The following RUVBL1 variants were observed in gnomAD, a reference collection of about 807,000 sequenced individuals.
RUVBL1 encodes RuvB like AAA ATPase 1, also known as ruvB-like 1.
RUVBL1 carries 4 observed loss-of-function variants against 52.4 expected under a neutral mutation model. That is an observed-to-expected ratio of 0.08 (90% CI 0.04 to 0.17). The LOEUF is 0.17. Ranked by LOEUF, RUVBL1 falls within the 10% of genes least tolerant of loss-of-function variation. The probability of loss-of-function intolerance (pLI) is 1.00; values close to 1 mark genes in which losing one functional copy is unlikely to be tolerated. For synonymous variants in RUVBL1, 217 were observed against 214.4 expected (o/e 1.01, Z -0.10); for missense variants, 298 against 572.8 (o/e 0.52, Z 4.90).
At chr3:128,132,485 T>A (rs771169896) in intron 1 of RUVBL1, among the ~76,000 whole-genome samples, 12 of 152,138 alleles carry the variant, frequency 7.9e-5, no homozygotes, top group Non-Finnish European at 1.8e-4. Flanking sequence ...AGAGACTCCT[T>A]CCTTCTGCTT....
intron 8 of RUVBL1, among the ~76,000 whole-genome samples, chr3:128,092,348 A>T (rs1942861163): frequency 6.6e-6 from 1 of 152,206 alleles, no homozygotes; most frequent in Admixed American, 6.5e-5. Context: ...AAGAAAAAAC[A>T]TAAATTGGAC....
At chr3:128,128,097 A>G (rs1348036826), upstream of RUVBL1, among the ~76,000 whole-genome samples, 1 of 151,970 alleles carries the variant, frequency 6.6e-6, no homozygotes, top group East Asian at 1.9e-4. Flanking sequence ...GCTTCAAGTG[A>G]TCCTCCCATC....
intron 8 of RUVBL1, among the ~76,000 whole-genome samples, chr3:128,096,003 G>A (rs1559813774): frequency 6.6e-6 from 1 of 152,156 alleles, no homozygotes; most frequent in Non-Finnish European, 1.5e-5. Flanking sequence ...AGCTGAGTTA[G>A]GCAAATCAGC....
intron 3 of RUVBL1, among the ~76,000 whole-genome samples, chr3:128,105,587 T>A (rs1943212805): frequency 6.6e-6 from 1 of 152,218 alleles, no homozygotes; most frequent in South Asian, 2.1e-4. Flanking sequence ...ACAGTGGCTA[T>A]CAAAACTCCT....
chr3:128,150,614 A>AAT (rs200745338), intron 1 of RUVBL1, among the ~76,000 whole-genome samples: 34,232 of 130,806 alleles, frequency 0.26, 4,864 homozygotes, highest in South Asian at 0.35. Context: ...GAACTAATAG[A>AAT]ATATATATTC....
intron 1 of RUVBL1, among the ~76,000 whole-genome samples, chr3:128,142,867 G>T (rs1160870432): frequency 6.6e-6 from 1 of 152,054 alleles, no homozygotes; most frequent in East Asian, 1.9e-4. Flanking sequence ...TGCAACTTCT[G>T]CCTGCCAGGT....
At chr3:128,130,813 G>A (rs929595820) in intron 1 of RUVBL1, among the ~76,000 whole-genome samples, 2 of 151,698 alleles carry the variant, frequency 1.3e-5, no homozygotes, top group Non-Finnish European at 2.9e-5. Flanking sequence ...ACCACGCCTG[G>A]CTATTTTTTT....
At chr3:128,123,089 T>C (rs561276221) in intron 1 of RUVBL1, among the ~76,000 whole-genome samples, 1 of 152,326 alleles carries the variant, frequency 6.6e-6, no homozygotes, top group East Asian at 1.9e-4. Flanking sequence ...AATTCCCTAC[T>C]TTAAACCGTC....
At chr3:128,122,659 T>C (rs1056251611) in intron 1 of RUVBL1, among the ~76,000 whole-genome samples, 6 of 152,240 alleles carry the variant, frequency 3.9e-5, no homozygotes, top group African/African-American at 1.2e-4. Context: ...TAAGAGGCAG[T>C]AGCTTAACTT....
At chr3:128,086,045 G>T (rs764958663) in intron 9 of RUVBL1, among the ~76,000 whole-genome samples, 5 of 152,168 alleles carry the variant, frequency 3.3e-5, no homozygotes, top group Non-Finnish European at 7.4e-5. Context: ...TCACTCTGCT[G>T]GAGTGCAGTG....
chr3:128,126,211 G>T (rs932015920), upstream of RUVBL1, among the ~76,000 whole-genome samples: 1 of 108,978 alleles, frequency 9.2e-6, no homozygotes, highest in Non-Finnish European at 2.0e-5. Context: ...TTGTGTGTGT[G>T]TGTGTGTGTG....
downstream of RUVBL1, among the ~76,000 whole-genome samples, chr3:128,077,437 G>T (rs1942368442): frequency 6.6e-6 from 1 of 152,230 alleles, no homozygotes; most frequent in South Asian, 2.1e-4. Flanking sequence ...TGTGGAGAAT[G>T]AATGGATGAC....
downstream of RUVBL1, among the ~76,000 whole-genome samples, chr3:128,079,752 T>C (rs1942420414): frequency 6.6e-6 from 1 of 152,330 alleles, no homozygotes; most frequent in South Asian, 2.1e-4. Context: ...ATCCCCAGCA[T>C]CATCTCCGCC....
chr3:128,153,478 C>T (rs1198493356), exon 1 of RUVBL1: 7 of 1,466,262 alleles, frequency 4.8e-6, no homozygotes, highest in Admixed American at 2.4e-5. Context: ...AGGGGCGGGC[C>T]GGGCGGGTGT....
intron 9 of RUVBL1, 72 bp downstream of exon 9, chr3:128,087,634 T>C (rs1009958529): frequency 2.5e-5 from 32 of 1,266,698 alleles, no homozygotes; most frequent in Admixed American, 5.6e-5. Flanking sequence ...CGCAGATACC[T>C]TTCTGCACAG....
chr3:128,102,427 G>C (rs779442356), intron 4 of RUVBL1, among the ~76,000 whole-genome samples: 1 of 152,202 alleles, frequency 6.6e-6, no homozygotes, highest in Non-Finnish European at 1.5e-5. Context: ...TAATATTCTA[G>C]GACAGCTGCC....
intron 1 of RUVBL1, among the ~76,000 whole-genome samples, chr3:128,131,464 C>T (rs1433980308): frequency 2.0e-5 from 3 of 151,896 alleles, no homozygotes; most frequent in Admixed American, 6.6e-5. Flanking sequence ...GGTCACAGAG[C>T]GAGACTCCAT....
At chr3:128,153,469 G>A (rs1944289139) in exon 1 of RUVBL1, 2 of 1,459,820 alleles carry the variant, frequency 1.4e-6, no homozygotes, top group Non-Finnish European at 1.8e-6. Context: ...AGGGAGGTGA[G>A]GGGCGGGCCG....
rs941344860 is a variant in RUVBL1 at position 128,082,777 on chromosome 3, C to T, written c.1120-203G>A. 2.0e-6 allele frequency: 1 copy of T among 507,646 alleles called. No individual in the cohort carries two copies. Among genetic ancestry groups the T allele is most frequent in the Non-Finnish European group, 3.6e-6 (1 of 280,962 alleles). 31.4% of individuals were successfully genotyped at this position (507,646 alleles called of 1,614,324 possible). On this transcript the variant is annotated intron_variant, in intron 9 of 10. Coordinates refer to ENST00000322623, the MANE Select transcript of RUVBL1 (RefSeq NM_003707.3). The surrounding 1 kb of genome is among the most constrained non-coding windows in gnomAD (Gnocchi z 4.7). ...GAGGCATGTGCGGCCCTGCAGTATG[C>T]ATGAATAGCATCACGGCCAGTGTGC...
Sources: allele counts gnomAD v4.1 joint callset (sites outside exome capture counted in the v4.1 genomes callset), GRCh38; gene constraint gnomAD v4.1.1; non-coding constraint Gnocchi (gnomAD v3.1); transcripts MANE v1.5; gene names NCBI Gene and HGNC (gene_info 2026-07-23, HGNC 2026-07-21).